Variants in DPP6 observed in about 807,000 individuals in gnomAD.
DPP6 encodes the protein A-type potassium channel modulatory protein DPP6.
DPP6 carries 69 observed loss-of-function variants against 122.6 expected under a neutral mutation model. The ratio of observed to expected loss-of-function variants is 0.56; its 90% confidence interval spans 0.46 to 0.69. The LOEUF (loss-of-function observed/expected upper bound fraction) is 0.69. Ranked by LOEUF, DPP6 falls within the 30% of genes least tolerant of loss-of-function variation. The pLI, the probability that DPP6 is intolerant of heterozygous loss-of-function variation, is 0.00. For missense variants in DPP6, 928 were observed against 1,116.9 expected (o/e 0.83, Z 2.41); for synonymous variants, 418 against 433.1 (o/e 0.97, Z 0.43).
intron 1 of DPP6, among the ~76,000 whole-genome samples, chr7:154,061,689 A>C (rs971586020): frequency 7.9e-4 from 83 of 105,622 alleles, no homozygotes; most frequent in East Asian, 1.3e-3. Context: ...TCTTGGGACC[A>C]CCATCGCAGG....
Position 154,863,474 on chromosome 7 carries a change from G to A in DPP6, c.1715-4521G>A, listed in dbSNP as rs530281032. Among the ~76,000 whole-genome samples, 140 of 151,608 alleles carry A rather than the reference G, an allele frequency of 9.2e-4. No individual in the cohort carries two copies. The highest frequency in any genetic ancestry group is 8.1e-3 in the Admixed American group (123 of 15,220). On this transcript the variant is annotated intron_variant, in intron 17 of 25. Coordinates refer to ENST00000377770, the MANE Select transcript of DPP6 (RefSeq NM_130797.4). This position sits in a 1 kb window ranked among gnomAD's most constrained non-coding sequence, Gnocchi z 4.1. ...GAGCTCAAGCTGTCCTCCCACCTCA[G>A]CCTCCTGAGTAACTGGGACCACAGG...
intron 8 of DPP6, among the ~76,000 whole-genome samples, chr7:154,744,121 C>T (rs1842933828): frequency 6.6e-6 from 1 of 152,162 alleles, no homozygotes; most frequent in Non-Finnish European, 1.5e-5. Flanking sequence ...AATGGGTTAA[C>T]TGGACCTGCC....
intron 1 of DPP6, among the ~76,000 whole-genome samples, chr7:154,065,346 T>C (rs1199234830): frequency 2.2e-5 from 2 of 91,782 alleles, no homozygotes; most frequent in Non-Finnish European, 4.5e-5. Context: ...CCATCACTCT[T>C]TGAGGGCCCT....
the DPP6 span, among the ~76,000 whole-genome samples, chr7:153,780,440 T>C: frequency 9.2e-5 from 14 of 152,196 alleles, no homozygotes; most frequent in African/African-American, 3.1e-4. Flanking sequence ...AGCCTCTTGA[T>C]ATCAACTTTA....
chr7:154,077,159 G>T (rs1292274195), intron 1 of DPP6, among the ~76,000 whole-genome samples: 1 of 152,124 alleles, frequency 6.6e-6, no homozygotes, highest in Admixed American at 6.5e-5. Context: ...TGACTAAGGT[G>T]ATTTAAAATG....
intron 1 of DPP6, among the ~76,000 whole-genome samples, chr7:154,163,901 TCA>T (rs1164643002): frequency 4.6e-5 from 7 of 152,126 alleles, no homozygotes; most frequent in Admixed American, 4.6e-4. Flanking sequence ...CCAGCTGTCC[TCA>T]GAGACAAGAG....
intron 1 of DPP6, among the ~76,000 whole-genome samples, chr7:153,982,447 AC>A (rs1796634270): frequency 1.3e-5 from 2 of 151,862 alleles, no homozygotes; most frequent in Admixed American, 1.3e-4. Context: ...AGTTCCTATA[AC>A]TTTTTATCAA....
intron 3 of DPP6, among the ~76,000 whole-genome samples, chr7:154,488,899 C>T (rs1051520827): frequency 2.0e-4 from 30 of 152,312 alleles, no homozygotes; most frequent in African/African-American, 5.8e-4. Context: ...GTGTTTATCT[C>T]TCAGCGATAC....
chr7:154,885,792 C>G, intron 22 of DPP6, 48 bp downstream of exon 22: 4 of 1,550,236 alleles, frequency 2.6e-6, no homozygotes, highest in Non-Finnish European at 3.5e-6. Context: ...CCCGCCCCGC[C>G]CCGCCCCCTG....
At chr7:153,950,651 G>C (rs1404223074) in intron 1 of DPP6, among the ~76,000 whole-genome samples, 1 of 152,170 alleles carries the variant, frequency 6.6e-6, no homozygotes, top group Non-Finnish European at 1.5e-5. Flanking sequence ...ATGGACTGTA[G>C]CATTGCTTAC....
intron 4 of DPP6, among the ~76,000 whole-genome samples, chr7:154,549,782 A>C (rs1435344927): frequency 6.6e-6 from 1 of 152,136 alleles, no homozygotes; most frequent in Non-Finnish European, 1.5e-5. Context: ...CATGGGGTAG[A>C]TCATGACACG....
chr7:153,965,591 C>T (rs1261822860), intron 1 of DPP6, among the ~76,000 whole-genome samples: 2 of 152,190 alleles, frequency 1.3e-5, no homozygotes. Context: ...CAGCTCACTG[C>T]AAGCTCCACC....
intron 1 of DPP6, among the ~76,000 whole-genome samples, chr7:154,285,608 C>T (rs1804798189): frequency 6.6e-6 from 1 of 152,160 alleles, no homozygotes; most frequent in African/African-American, 2.4e-5. Flanking sequence ...TATAAAATCA[C>T]AGCCATAGTA....
chr7:154,682,798 C>T (rs1839363929), intron 7 of DPP6, among the ~76,000 whole-genome samples: 1 of 152,186 alleles, frequency 6.6e-6, no homozygotes, highest in African/African-American at 2.4e-5. Flanking sequence ...GGTATTTGCA[C>T]AGCCCACGAG....
chr7:153,960,502 G>A (rs1795296606), intron 1 of DPP6, among the ~76,000 whole-genome samples: 1 of 151,752 alleles, frequency 6.6e-6, no homozygotes, highest in Non-Finnish European at 1.5e-5. Flanking sequence ...GTTGATATGT[G>A]AGGGAAGGTG....
At chr7:154,235,385 G>A (rs1302698022) in intron 1 of DPP6, among the ~76,000 whole-genome samples, 2 of 152,160 alleles carry the variant, frequency 1.3e-5, no homozygotes, top group African/African-American at 2.4e-5. Context: ...ACGACACAGT[G>A]TTTTACAACC....
chr7:153,924,580 T>C (rs886722106), intron 1 of DPP6, among the ~76,000 whole-genome samples: 6 of 152,254 alleles, frequency 3.9e-5, no homozygotes, highest in African/African-American at 1.4e-4. Context: ...GCTTTCCTTC[T>C]GCTTTCTGGA....
intron 5 of DPP6, among the ~76,000 whole-genome samples, chr7:154,610,862 C>T (rs1563007479): frequency 6.6e-6 from 1 of 152,108 alleles, no homozygotes; most frequent in Non-Finnish European, 1.5e-5. Flanking sequence ...AGTTTAATCC[C>T]AGCATTTTAT....
chr7:154,268,890 T>G (rs1185156325), intron 1 of DPP6, among the ~76,000 whole-genome samples: 1 of 145,468 alleles, frequency 6.9e-6, no homozygotes, highest in Non-Finnish European at 1.5e-5. Context: ...TAAATTGCCT[T>G]GTTTACTGAT....
Sources: allele counts gnomAD v4.1 joint callset (sites outside exome capture counted in the v4.1 genomes callset), GRCh38; gene constraint gnomAD v4.1.1; non-coding constraint Gnocchi (gnomAD v3.1); transcripts MANE v1.5; gene names NCBI Gene and HGNC (gene_info 2026-07-23, HGNC 2026-07-21).